Variants in SLC24A2 observed in about 807,000 individuals in gnomAD.
The protein encoded by SLC24A2 is sodium/potassium/calcium exchanger 2.
SLC24A2 carries 36 observed loss-of-function variants against 62.0 expected under a neutral mutation model. The ratio of observed to expected loss-of-function variants is 0.58; its 90% CI spans 0.44 to 0.77. The LOEUF (loss-of-function observed/expected upper bound fraction) is 0.77, where lower values mean the gene tolerates loss of function less well. SLC24A2 is among the 30% of genes least tolerant of loss of function. The pLI is 0.00. For missense variants in SLC24A2, 846 were observed against 817.9 expected (o/e 1.03, Z -0.42); for synonymous variants, 358 against 294.0 (o/e 1.22, Z -2.23).
intron 8 of SLC24A2, among the ~76,000 whole-genome samples, chr9:19,528,939 G>C (rs1833560652): frequency 6.6e-6 from 1 of 152,158 alleles, no homozygotes; most frequent in Non-Finnish European, 1.5e-5. Context: ...CATTTTTAAA[G>C]TTTCCTAGAA....
intron 2 of SLC24A2, among the ~76,000 whole-genome samples, chr9:19,725,521 GTC>G (rs1349329447): frequency 6.6e-6 from 1 of 152,118 alleles, no homozygotes; most frequent in Non-Finnish European, 1.5e-5. Flanking sequence ...GAGGTAAACT[GTC>G]TTCATAATAA....
the SLC24A2 span, among the ~76,000 whole-genome samples, chr9:20,241,417 T>A: frequency 6.6e-6 from 1 of 152,216 alleles, no homozygotes; most frequent in Admixed American, 6.5e-5. Flanking sequence ...TATGTCTCCA[T>A]CTGTACCTCA....
the SLC24A2 span, among the ~76,000 whole-genome samples, chr9:20,057,391 A>C: frequency 0.033 from 4,950 of 151,990 alleles, 104 homozygotes; most frequent in South Asian, 0.079. Context: ...TGTGTCTTCA[A>C]CTCCTTTCTC....
At chr9:20,019,296 A>AAAGAAAGAAAGG in the SLC24A2 span, among the ~76,000 whole-genome samples, 32 of 150,186 alleles carry the variant, frequency 2.1e-4, no homozygotes, top group African/African-American at 7.5e-4. Context: ...AGAAAGAAAG[A>AAAGAAAGAAAGG]AAGAAAGAAA....
the SLC24A2 span, among the ~76,000 whole-genome samples, chr9:19,939,471 G>A: frequency 0.47 from 71,040 of 151,984 alleles, 17,074 homozygotes; most frequent in Non-Finnish European, 0.52. Flanking sequence ...TAGAAATATG[G>A]CAGAGAAGAT....
At chr9:20,170,284 GT>G in the SLC24A2 span, among the ~76,000 whole-genome samples, 1 of 92,702 alleles carries the variant, frequency 1.1e-5, no homozygotes, top group Non-Finnish European at 2.2e-5. Context: ...TCAGGCAAAA[GT>G]TGTCTCAGCA....
the SLC24A2 span, among the ~76,000 whole-genome samples, chr9:20,156,942 T>C: frequency 1.3e-5 from 2 of 151,720 alleles, no homozygotes; most frequent in Non-Finnish European, 3.0e-5. Context: ...TTGTAATTGG[T>C]TTTCCAATTA....
In SLC24A2 at chr9:19,513,153, G is replaced by GATAGATAT. The variant is rs1554665663; in HGVS notation, c.*2999_*3000insATATCTAT. The GATAGATAT allele has an allele frequency of 1.2e-5, 1 of 80,586 alleles. No individual in the cohort carries two copies. The highest frequency in any genetic ancestry group is 3.9e-4 in the South Asian group (1 of 2,564). The allele number at this position is 80,586 out of a possible 1,614,324, so 5.0% of individuals were successfully genotyped here. Reference sequence around the variant, plus strand: ...TGTGTACATATAGATCTGGTATAAAGATATATATATATATATATATATGTA... The same window carrying GATAGATAT: ...TGTGTACATATAGATCTGGTATAAAGATAGATATATATATATATATATATATATATGTA... On this transcript the variant is annotated 3_prime_UTR_variant, in exon 11 of 11. Coordinates refer to ENST00000341998, the MANE Select transcript of SLC24A2 (RefSeq NM_020344.4).
chr9:20,014,284 G>T, the SLC24A2 span, among the ~76,000 whole-genome samples: 1 of 152,016 alleles, frequency 6.6e-6, no homozygotes, highest in Non-Finnish European at 1.5e-5. Flanking sequence ...CTGTTGGTGG[G>T]AATTTAAGTA....
chr9:20,136,769 C>A, the SLC24A2 span, among the ~76,000 whole-genome samples: 1 of 152,096 alleles, frequency 6.6e-6, no homozygotes, highest in Non-Finnish European at 1.5e-5. Context: ...TCCCCTAAAA[C>A]ACTTATTTTC....
At chr9:19,877,098 G>A in the SLC24A2 span, among the ~76,000 whole-genome samples, 4 of 151,496 alleles carry the variant, frequency 2.6e-5, no homozygotes, top group African/African-American at 9.7e-5. Context: ...AGATTATTAC[G>A]CCATTGTCTG....
intron 7 of SLC24A2, among the ~76,000 whole-genome samples, chr9:19,561,950 A>C (rs1835424431): frequency 6.6e-6 from 1 of 152,178 alleles, no homozygotes; most frequent in African/African-American, 2.4e-5. Context: ...CAAGGTTTCA[A>C]AATATTTTGT....
intron 2 of SLC24A2, among the ~76,000 whole-genome samples, chr9:19,646,887 G>T (rs1467222515): frequency 6.6e-6 from 1 of 151,962 alleles, no homozygotes; most frequent in African/African-American, 2.4e-5. Flanking sequence ...AGGGAAAGGA[G>T]TTATCAATTC....
intron 5 of SLC24A2, among the ~76,000 whole-genome samples, chr9:19,585,189 T>C (rs905975319): frequency 5.3e-5 from 8 of 152,228 alleles, no homozygotes; most frequent in African/African-American, 1.4e-4. Context: ...ACTCATTAAT[T>C]GGAATTCTGA....
At chr9:19,716,266 G>A (rs1193948369) in intron 2 of SLC24A2, among the ~76,000 whole-genome samples, 1 of 152,106 alleles carries the variant, frequency 6.6e-6, no homozygotes, top group African/African-American at 2.4e-5. Context: ...GTATTCTACA[G>A]TCAAAAGCTC....
At chr9:19,850,947 ATATATATATATATATATATG>A in the SLC24A2 span, among the ~76,000 whole-genome samples, 176 of 9,058 alleles carry the variant, frequency 0.019, 4 homozygotes, top group East Asian at 0.04. Context: ...ATATATATAC[ATATATATATATATATATATG>A]TATATATATA....
intron 2 of SLC24A2, among the ~76,000 whole-genome samples, chr9:19,678,135 T>C (rs1819612985): frequency 6.6e-6 from 1 of 152,186 alleles, no homozygotes; most frequent in Non-Finnish European, 1.5e-5. Context: ...CCAGGACTGT[T>C]ATGAAGATTA....
At chr9:19,677,850 T>C (rs955652629) in intron 2 of SLC24A2, among the ~76,000 whole-genome samples, 2 of 150,310 alleles carry the variant, frequency 1.3e-5, no homozygotes, top group Admixed American at 1.3e-4. Flanking sequence ...TATTATATAC[T>C]ATATTAATAT....
chr9:20,262,666 G>A, the SLC24A2 span, among the ~76,000 whole-genome samples: 1 of 152,202 alleles, frequency 6.6e-6, no homozygotes, highest in African/African-American at 2.4e-5. Context: ...TTCATATTTG[G>A]GCACCAGCCT....
Sources: gnomAD v4.1 joint callset for allele counts (sites outside exome capture counted in the v4.1 genomes callset) on GRCh38, gnomAD v4.1.1 for gene constraint, MANE v1.5 for transcripts, NCBI Gene and HGNC (gene_info 2026-07-23, HGNC 2026-07-21) for gene names.